MED1: variants seen among roughly 807,000 people sequenced by gnomAD.
MED1 encodes mediator complex subunit 1, also known as mediator of RNA polymerase II transcription subunit 1.
In MED1, 17 loss-of-function variants were observed where a neutral mutation model predicts 121.3. That is an observed-to-expected ratio of 0.14 (90% CI 0.10 to 0.21). MED1 has a LOEUF of 0.21. Ranked by LOEUF, MED1 falls within the 10% of genes least tolerant of loss-of-function variation. The probability of loss-of-function intolerance (pLI) is 1.00; values close to 1 mark genes in which losing one functional copy is unlikely to be tolerated. For synonymous variants in MED1, 661 were observed against 694.4 expected (o/e 0.95, Z 0.76); for missense variants, 1,558 against 1,919.4 (o/e 0.81, Z 3.52).
At position 39,415,286 on chromosome 17, in the gene MED1, T is replaced by C. The variant is rs1256470253; in HGVS notation, c.1351A>G (p.Ser451Gly). 6.2e-7 allele frequency: 1 copy of C among 1,613,864 alleles called. No homozygotes were observed. Among genetic ancestry groups the C allele is most frequent in the African/African-American group, 1.3e-5 (1 of 74,912 alleles). Residue 451 changes from serine to glycine, a missense_variant, in exon 15 of 17, where the codon AGC becomes GGC. By Grantham distance (56) the Ser-to-Gly change is moderately conservative (BLOSUM62 0). This residue lies in a region of MED1 where 443 missense variants were observed against 532.4 expected (regional missense o/e 0.83). Coordinates refer to ENST00000300651, the MANE Select transcript of MED1 (RefSeq NM_004774.4). ...TTCACAGGGTGCTGAAAAGATACGC[T>C]GAAACGAGACTCTGAGAGAGGACAC... ...EVCPLSESRF[S>G]VSFQHPVNDS...
rs201621617 is a variant in MED1, at chr17:39,447,856, G to C, written c.74C>G (p.Ala25Gly). The change falls in exon 2 of 17, where the codon GCA becomes GGA. Residue 25 changes from alanine to glycine, a missense_variant. Coordinates refer to ENST00000300651, the MANE Select transcript of MED1 (RefSeq NM_004774.4). ...CCAGGGTCTATTTTGGTTAAATTTT[G>C]CATGGAGCCGTTCCAGGAGAGAACT... ...KMSSLLERLH[A>G]KFNQNRPWSE... 1.2e-6 allele frequency: 2 copies of C among 1,613,760 alleles called. No homozygotes were observed.
In MED1 at chr17:39,406,651, A is replaced by G; in HGVS notation, c.*824T>C. 12 of 983,774 alleles carry G rather than the reference A, an allele frequency of 1.2e-5. No homozygotes were observed. The highest frequency in any genetic ancestry group is 1.4e-5 in the Non-Finnish European group (12 of 829,352). The allele number at this position is 983,774 out of a possible 1,614,324, so 60.9% of individuals were successfully genotyped here. On this transcript the variant is annotated 3_prime_UTR_variant, in exon 17 of 17. Coordinates refer to ENST00000300651, the MANE Select transcript of MED1 (RefSeq NM_004774.4). ...AATATTCCTATGATCTCTGAACCCT[A>G]TTTAAACCCTCCTAAAATAAAAATA...
chr17:39,407,753 G>T lies in MED1; in HGVS notation c.4468C>A (p.Pro1490Thr). The change falls in exon 17 of 17, where the codon CCA becomes ACA. Residue 1490 changes from proline to threonine, a missense_variant. Transcript: ENST00000300651. ...PSSDDGIRPL[P>T]EYSTEKHKKH... is the part of the protein sequence containing the mutation. Reference sequence around the variant, plus strand: ...TTATGTTTCTCTGTGCTGTATTCTGGAAGTGGTCGGATACCATCGTCTGAG... The same window carrying T: ...TTATGTTTCTCTGTGCTGTATTCTGTAAGTGGTCGGATACCATCGTCTGAG... 6.2e-7 allele frequency: 1 copy of T among 1,614,034 alleles called. No individual in the cohort carries two copies. The highest frequency in any genetic ancestry group is 8.5e-7 in the Non-Finnish European group (1 of 1,180,026).
Position 39,406,042 on chromosome 17 carries a change from G to A in MED1, c.*1433C>T, listed in dbSNP as rs1170917212. ...CAAAGTAAGGCCGCAGAATTTTTGAGAGGACCCTCCAAATACTGAGAACTT... is the reference window on the plus strand; with the variant it reads ...CAAAGTAAGGCCGCAGAATTTTTGAAAGGACCCTCCAAATACTGAGAACTT... On this transcript the variant is annotated 3_prime_UTR_variant, in exon 17 of 17. Transcript: ENST00000300651. The A allele has an allele frequency of 4.1e-6, 4 of 985,308 alleles. No individual in the cohort carries two copies. Among genetic ancestry groups the A allele is most frequent in the South Asian group, 4.7e-5 (1 of 21,288 alleles). 61.0% of individuals were successfully genotyped at this position (985,308 alleles called of 1,614,324 possible). A position where few individuals can be genotyped will look rare whatever the true frequency, so the allele number is the denominator to read the frequency against.
chr17:39,443,560 C>T lies in MED1; in HGVS notation c.201G>A (p.Lys67=), dbSNP rs2048699060. 6.2e-7 allele frequency: 1 copy of T among 1,613,316 alleles called. No individual in the cohort carries two copies. The highest frequency in any genetic ancestry group is 1.7e-5 in the Admixed American group (1 of 59,956). ...AAAGTGTTCACAAACCTTTGAGAGCCTTCTGCAATGTCTCCAAACAGCTGA... is the reference window on the plus strand; with the variant it reads ...AAAGTGTTCACAAACCTTTGAGAGCTTTCTGCAATGTCTCCAAACAGCTGA... ...HLVSCLETLQ[K]ALKVTSLPAM... is the part of the protein sequence containing the mutation. Residue 67 remains lysine, a synonymous_variant, in exon 3 of 17, where the codon AAG becomes AAA. Transcript: ENST00000300651.
At chr17:39,429,191 A>C (rs941746618) in intron 9 of MED1, among the ~76,000 whole-genome samples, 1 of 151,816 alleles carries the variant, frequency 6.6e-6, no homozygotes, top group South Asian at 2.1e-4. Flanking sequence ...ATCTCTAAAA[A>C]AATTGTTAAA....
At position 39,410,475 on chromosome 17, in the gene MED1, GATGCTC is replaced by G; in HGVS notation, c.1740_1745del (p.Met580_Ser581del). The G allele has an allele frequency of 6.2e-7, 1 of 1,614,070 alleles. No homozygotes were observed. The highest frequency in any genetic ancestry group is 8.5e-7 in the Non-Finnish European group (1 of 1,180,030). On this transcript the variant is annotated inframe_deletion, in exon 17 of 17. Transcript: ENST00000300651. ...GGCCCACCGACTCATGCCGATCTTT[GATGCTC>G]ATGCTCATATTAAACAAGGTGGTAA...
intron 7 of MED1, among the ~76,000 whole-genome samples, chr17:39,433,895 C>T (rs1366046474): frequency 6.6e-6 from 1 of 152,108 alleles, no homozygotes; most frequent in Non-Finnish European, 1.5e-5. Context: ...CACTTCAAAG[C>T]TTATTTTTAT....
Position 39,440,314 on chromosome 17 carries a change from C to T in MED1, c.399+72G>A. ...ACCTAAACCCAAGCTATTTAAACCC[C>T]AACAATTAATTTTAAAATTAATGTC... is the stretch of plus-strand genomic sequence containing the variant. On this transcript the variant is annotated intron_variant, in intron 5 of 16. Coordinates refer to ENST00000300651, the MANE Select transcript of MED1 (RefSeq NM_004774.4). The surrounding 1 kb of genome is among the most constrained non-coding windows in gnomAD (Gnocchi z 4.1). 2 of 1,454,002 alleles carry T rather than the reference C, an allele frequency of 1.4e-6. No homozygotes were observed. The highest frequency in any genetic ancestry group is 5.3e-5 in the Admixed American group (2 of 37,912). 90.1% of individuals were successfully genotyped at this position (1,454,002 alleles called of 1,614,324 possible).
At chr17:39,429,556 C>G (rs938207740) in intron 9 of MED1, among the ~76,000 whole-genome samples, 7 of 151,364 alleles carry the variant, frequency 4.6e-5, no homozygotes, top group African/African-American at 1.7e-4. Flanking sequence ...ATTAGCTGGG[C>G]ACGGTGGCAC....
intron 10 of MED1, among the ~76,000 whole-genome samples, chr17:39,426,550 T>C (rs200669805): frequency 2.6e-5 from 4 of 152,170 alleles, no homozygotes; most frequent in Non-Finnish European, 5.9e-5. Context: ...TCACTTTTTT[T>C]TGAGACAGAG....
intron 13 of MED1, among the ~76,000 whole-genome samples, chr17:39,420,546 G>A (rs1385683538): frequency 1.3e-5 from 2 of 151,876 alleles, no homozygotes; most frequent in Non-Finnish European, 2.9e-5. Flanking sequence ...TAATAATGCA[G>A]CCAGAATTTG....
intron 1 of MED1, among the ~76,000 whole-genome samples, chr17:39,448,385 G>A (rs1442348596): frequency 1.3e-5 from 2 of 150,468 alleles, no homozygotes; most frequent in African/African-American, 2.4e-5. Context: ...AAAAAAGAAA[G>A]AAAAAAATTA....
rs916400717 is a variant in MED1, at chr17:39,428,442, C to G, written c.650-652G>C. Among the ~76,000 whole-genome samples, 3 of 151,992 alleles carry G rather than the reference C, an allele frequency of 2.0e-5. No individual in the cohort carries two copies. In the South Asian group the frequency reaches 6.2e-4, roughly 32 times the overall value. ...GAGGTTACAGTGAGCTGAGATCATG[C>G]CACTGCACTCCAGCCCTGGCAACAG... On this transcript the variant is annotated intron_variant, in intron 9 of 16. Coordinates refer to ENST00000300651, the MANE Select transcript of MED1 (RefSeq NM_004774.4).
intron 6 of MED1, among the ~76,000 whole-genome samples, chr17:39,436,133 C>T (rs545382178): frequency 4.0e-5 from 6 of 151,760 alleles, no homozygotes; most frequent in Non-Finnish European, 5.9e-5. Context: ...GAGGCCGAGG[C>T]GGGCAGATCA....
chr17:39,443,724 C>T, intron 2 of MED1, 96 bp from the exon 3 acceptor site: 1 of 956,750 alleles, frequency 1.0e-6, no homozygotes, highest in Non-Finnish European at 1.7e-6. Flanking sequence ...TATTGCAGGA[C>T]AGTCTATAGA....
chr17:39,446,222 G>A (rs1302044981), intron 2 of MED1, among the ~76,000 whole-genome samples: 4 of 149,816 alleles, frequency 2.7e-5, no homozygotes, highest in African/African-American at 9.8e-5. Context: ...AGGCCGAGAC[G>A]GGTGGATCAC....
In MED1 at chr17:39,405,615, G is replaced by A; in HGVS notation, c.*1860C>T. ...GTATCACCTGCCCATATCCTCCTTAGTGTCACCCAAGACATTTGACTCTGA... is the reference window on the plus strand; with the variant it reads ...GTATCACCTGCCCATATCCTCCTTAATGTCACCCAAGACATTTGACTCTGA... On this transcript the variant is annotated 3_prime_UTR_variant, in exon 17 of 17. Coordinates refer to ENST00000300651, the MANE Select transcript of MED1 (RefSeq NM_004774.4). 4 of 1,137,300 alleles carry A rather than the reference G, an allele frequency of 3.5e-6. No individual in the cohort carries two copies. The highest frequency in any genetic ancestry group is 4.3e-6 in the Non-Finnish European group (4 of 925,004). The allele number at this position is 1,137,300 out of a possible 1,614,324, so 70.5% of individuals were successfully genotyped here.
rs1350177634 is a variant in MED1 at position 39,409,963 on chromosome 17, G to A, written c.2258C>T (p.Pro753Leu). 3 of 1,613,958 alleles carry A rather than the reference G, an allele frequency of 1.9e-6. No homozygotes were observed. In the African/African-American group the frequency reaches 4.0e-5, roughly 22 times the overall value. ...SQCSTPPTTY[P>L]QPVPHPQPSI... The stretch of plus-strand genomic sequence containing the variant: ...GGGTTGGGGGTGAGGTACTGGTTGT[G>A]GGTAAGTTGTTGGGGGAGTGCTACA... Residue 753 changes from proline to leucine, a missense_variant, in exon 17 of 17, where the codon CCA (proline) becomes CTA (leucine). This residue lies in a region of MED1 where 793 missense variants were observed against 898.2 expected (regional missense o/e 0.88). Transcript: ENST00000300651.
Sources: allele counts gnomAD v4.1 joint callset (sites outside exome capture counted in the v4.1 genomes callset), GRCh38; gene constraint gnomAD v4.1.1; regional missense constraint gnomAD v4.1.1; non-coding constraint Gnocchi (gnomAD v3.1); transcripts MANE v1.5; gene names NCBI Gene and HGNC (gene_info 2026-07-23, HGNC 2026-07-21).